The following SUN1 variants were observed in gnomAD, a reference collection of about 807,000 sequenced individuals.
SUN1 encodes the protein SUN domain-containing protein 1.
A neutral mutation model predicts 103.2 loss-of-function variants in SUN1; 61 were observed. The observed-to-expected ratio is 0.59, with a 90% CI of 0.48 to 0.73. SUN1 has a LOEUF of 0.73. Among genes scored for constraint, SUN1 ranks in the 30% least tolerant of loss-of-function variants. The pLI, the probability that SUN1 is intolerant of heterozygous loss-of-function variation, is 0.00. For synonymous variants in SUN1, 490 were observed against 425.7 expected, an observed-to-expected ratio of 1.15 and a Z score of -1.86; for missense variants, 1,052 against 1,034.6, an observed-to-expected ratio of 1.02 and a Z score of -0.23.
chr7:826,757 G>A (rs185023532), intron 1 of SUN1, among the ~76,000 whole-genome samples: 3 of 152,302 alleles, frequency 2.0e-5, no homozygotes, highest in South Asian at 2.1e-4. Flanking sequence ...AGTCCACATC[G>A]TCAGTGACCA....
chr7:832,631 GCCTTGCAATGCCCACTCGCTGT>G (rs1299107865), intron 1 of SUN1, 30 bp downstream of exon 1: 7 of 1,570,934 alleles, frequency 4.5e-6, no homozygotes, highest in Non-Finnish European at 5.2e-6. Context: ...TGGGGTCCTG[GCCTTGCAATGCCCACTCGCTGT>G]CGCGGTGGCG....
chr7:856,561 G>C (rs186828011), intron 12 of SUN1, among the ~76,000 whole-genome samples, 160 bp downstream of exon 12: 3 of 152,300 alleles, frequency 2.0e-5, no homozygotes, highest in South Asian at 4.1e-4. Context: ...GCTGGGCTGC[G>C]TGAGGACAGA....
At chr7:872,355 C>G (rs1302618309) in intron 17 of SUN1, 115 bp from the exon 18 acceptor site, 2 of 797,450 alleles carry the variant, frequency 2.5e-6, no homozygotes, top group Non-Finnish European at 4.1e-6. Flanking sequence ...CCTTCTCTTA[C>G]TGATGTGGAG....
chr7:856,098 C>G (rs976933709), intron 11 of SUN1, among the ~76,000 whole-genome samples: 2 of 152,336 alleles, frequency 1.3e-5, no homozygotes, highest in Admixed American at 1.3e-4. Flanking sequence ...GACTCCCAAC[C>G]CGGGTGCTGG....
chr7:851,689 T>C, intron 6 of SUN1: 1 of 646,400 alleles, frequency 1.5e-6, no homozygotes, highest in Non-Finnish European at 2.6e-6. Flanking sequence ...GGGTTGGGTC[T>C]GGGGGAAGTC....
rs754494611 is a variant in SUN1 at position 856,372 on chromosome 7, A to G, written c.1365A>G (p.Glu455=). ...ATACTTTTTAGGCCATCCAGAAGGAACTAGAACAGACCAAGCAAAAAACAA... is the reference window on the plus strand; with the variant it reads ...ATACTTTTTAGGCCATCCAGAAGGAGCTAGAACAGACCAAGCAAAAAACAA... ...LREKSEAIQK[E]LEQTKQKTIS... The change falls in exon 12 of 19, where the codon GAA becomes GAG. Residue 455 remains glutamate, a synonymous_variant. Coordinates refer to ENST00000401592, the MANE Select transcript of SUN1 (RefSeq NM_001130965.3). 1 of 1,614,152 alleles carries G rather than the reference A, an allele frequency of 6.2e-7. No homozygotes were observed. Among genetic ancestry groups the G allele is most frequent in the South Asian group, 1.1e-5 (1 of 91,080 alleles).
intron 2 of SUN1, among the ~76,000 whole-genome samples, chr7:840,069 A>C (rs1287466552): frequency 1.3e-5 from 2 of 152,206 alleles, no homozygotes; most frequent in African/African-American, 4.8e-5. Flanking sequence ...ATGTAAGAAT[A>C]AGAGCTTCCG....
chr7:865,904 C>T (rs764491844), intron 15 of SUN1, 48 bp from the exon 16 acceptor site: 43 of 1,539,446 alleles, frequency 2.8e-5, no homozygotes, highest in Non-Finnish European at 3.6e-5. Flanking sequence ...CTATTGCTTC[C>T]AAAATGGTGG....
chr7:842,199 G>C (rs1392081586), intron 3 of SUN1, 69 bp downstream of exon 3: 4 of 1,546,728 alleles, frequency 2.6e-6, no homozygotes, highest in Non-Finnish European at 2.6e-6. Context: ...GCTGGGGAGA[G>C]GGGAGGCGGT....
chr7:862,177 A>G (rs1413371374), intron 15 of SUN1, among the ~76,000 whole-genome samples: 1 of 152,182 alleles, frequency 6.6e-6, no homozygotes, highest in African/African-American at 2.4e-5. Context: ...TGGTTTTCTG[A>G]ATTTTTTAAA....
upstream of SUN1, among the ~76,000 whole-genome samples, chr7:830,449 G>C (rs1796893720): frequency 6.6e-6 from 1 of 152,216 alleles, no homozygotes; most frequent in African/African-American, 2.4e-5. Context: ...AGGAAATAGA[G>C]AAAATGATAG....
intron 15 of SUN1, among the ~76,000 whole-genome samples, chr7:865,379 G>A (rs1286788226): frequency 1.3e-5 from 2 of 152,210 alleles, no homozygotes; most frequent in Non-Finnish European, 2.9e-5. Context: ...CCAAAGTGCT[G>A]GGATTACAAG....
intron 1 of SUN1, among the ~76,000 whole-genome samples, chr7:836,219 C>T (rs541115781): frequency 3.1e-4 from 47 of 152,142 alleles, no homozygotes; most frequent in African/African-American, 9.9e-4. Flanking sequence ...TGTAGGAGAA[C>T]GAGGAAGGGC....
chr7:848,820 C>A (rs1328062153), intron 5 of SUN1, among the ~76,000 whole-genome samples: 1 of 152,206 alleles, frequency 6.6e-6, no homozygotes. Flanking sequence ...TTGGTTCCCT[C>A]AGAGCTGATC....
At chr7:862,216 A>T (rs1832774628) in intron 15 of SUN1, among the ~76,000 whole-genome samples, 1 of 152,144 alleles carries the variant, frequency 6.6e-6, no homozygotes. Context: ...GGGCTGGGGG[A>T]CTCACATCAC....
chr7:825,106 T>G (rs1043673331), intron 1 of SUN1, among the ~76,000 whole-genome samples: 63 of 152,212 alleles, frequency 4.1e-4, no homozygotes, highest in African/African-American at 1.5e-3. Flanking sequence ...TCACCCAGGC[T>G]GGAGTGCAGT....
intron 5 of SUN1, among the ~76,000 whole-genome samples, chr7:849,341 C>G (rs376877897): frequency 2.0e-5 from 3 of 152,244 alleles, no homozygotes; most frequent in African/African-American, 7.2e-5. Context: ...CACGTCTCTT[C>G]TCGTGGCCCG....
intron 1 of SUN1, 140 bp downstream of exon 1, chr7:832,741 CT>C: frequency 2.8e-6 from 2 of 709,176 alleles, no homozygotes; most frequent in Non-Finnish European, 4.9e-6. Context: ...TAAACTGTAT[CT>C]TATGGCTTTA....
intron 5 of SUN1, chr7:843,881 C>T: frequency 1.6e-6 from 2 of 1,289,512 alleles, no homozygotes; most frequent in South Asian, 1.8e-5. Flanking sequence ...CTTTGGGACG[C>T]TGCTCTGGTC....
Sources: gnomAD v4.1 joint callset for allele counts (sites outside exome capture counted in the v4.1 genomes callset) on GRCh38, gnomAD v4.1.1 for gene constraint, MANE v1.5 for transcripts, NCBI Gene and HGNC (gene_info 2026-07-23, HGNC 2026-07-21) for gene names.